The following PER2 variants were observed in gnomAD, a reference collection of about 807,000 sequenced individuals.
PER2 encodes the protein period circadian regulator 2.
Under a neutral mutation model 121.0 loss-of-function variants are expected in PER2, and 66 were observed. That is an observed-to-expected ratio of 0.55 (90% CI 0.45 to 0.67). The LOEUF is 0.67. Among genes scored for constraint, PER2 ranks in the 30% least tolerant of loss-of-function variants. The probability of loss-of-function intolerance (pLI) is 0.00; values close to 1 mark genes in which losing one functional copy is unlikely to be tolerated. For missense variants in PER2, 1,521 were observed against 1,635.0 expected, an observed-to-expected ratio of 0.93 and a Z score of 1.20; for synonymous variants, 684 against 659.9, an observed-to-expected ratio of 1.04 and a Z score of -0.56.
chr2:238,247,577 G>A (rs750857871), intron 22 of PER2: 2 of 152,380 alleles, frequency 1.3e-5, no homozygotes, highest in Non-Finnish European at 1.5e-5. Flanking sequence ...TGCAGCAGCA[G>A]ATTACTAATG....
At chr2:238,251,069 C>T (rs574285992) in intron 20 of PER2, among the ~76,000 whole-genome samples, 21 of 152,378 alleles carry the variant, frequency 1.4e-4, no homozygotes, top group Admixed American at 2.6e-4. Context: ...ACTGCAGTTT[C>T]CCACAAGGGG....
In PER2 at chr2:238,261,808, G is replaced by A; in HGVS notation, c.1337C>T (p.Ala446Val). 1 of 1,573,348 alleles carries A rather than the reference G, an allele frequency of 6.4e-7. No homozygotes were observed. Among genetic ancestry groups the A allele is most frequent in the Non-Finnish European group, 8.6e-7 (1 of 1,158,310 alleles). The change falls in exon 12 of 23, where the codon GCC becomes GTC. Residue 446 changes from alanine (A) to valine (V), a missense_variant. Transcript: ENST00000254657. ...GGCCTTCTCCTCTGTGCAGGGGTGG[G>A]CTGCAAACACGTCCTCATTCAAAGG... ...VGPLNEDVFA[A>V]HPCTEEKALH...
intron 1 of PER2, among the ~76,000 whole-genome samples, chr2:238,278,787 CG>C (rs755825051): frequency 9.9e-5 from 15 of 151,990 alleles, no homozygotes; most frequent in Non-Finnish European, 2.2e-4. Context: ...CCCAGCAGCT[CG>C]GGGATCCCAG....
chr2:238,273,946 G>A (rs569328358), intron 4 of PER2, among the ~76,000 whole-genome samples: 5 of 152,252 alleles, frequency 3.3e-5, no homozygotes, highest in African/African-American at 9.6e-5. Flanking sequence ...GATTACAGGC[G>A]TGAGCCACCG....
chr2:238,248,458 G>A (rs1294477868), intron 22 of PER2, among the ~76,000 whole-genome samples: 1 of 152,160 alleles, frequency 6.6e-6, no homozygotes, highest in African/African-American at 2.4e-5. Context: ...CAGGGACACT[G>A]AGGGTTTGTG....
chr2:238,245,754 A>G lies in PER2; in HGVS notation c.*621T>C, dbSNP rs1441635848. 2.5e-6 allele frequency: 1 copy of G among 398,226 alleles called. No homozygotes were observed. The highest frequency in any genetic ancestry group is 4.4e-5 in the Admixed American group (1 of 22,710). The allele number at this position is 398,226 out of a possible 1,614,324, so 24.7% of individuals were successfully genotyped here. On this transcript the variant is annotated 3_prime_UTR_variant, in exon 23 of 23. Coordinates refer to ENST00000254657, the MANE Select transcript of PER2 (RefSeq NM_022817.3). The stretch of plus-strand genomic sequence containing the variant: ...CAAATGTTTCAACTTTGTTCACTAC[A>G]AACAAAACCTATGTCAGACTGAAAT...
upstream of PER2, among the ~76,000 whole-genome samples, chr2:238,292,407 C>G (rs1487019423): frequency 6.6e-6 from 1 of 152,204 alleles, no homozygotes; most frequent in Non-Finnish European, 1.5e-5. Flanking sequence ...GGGAAAGGAG[C>G]TTGCTTGGAG....
intron 8 of PER2, 126 bp downstream of exon 8, chr2:238,267,930 G>T: frequency 5.8e-6 from 6 of 1,035,814 alleles, no homozygotes; most frequent in Non-Finnish European, 8.8e-6. Flanking sequence ...CCAAGGTGAG[G>T]TGGAGAGGCC....
At chr2:238,292,099 A>C (rs1223716154), upstream of PER2, among the ~76,000 whole-genome samples, 1 of 152,258 alleles carries the variant, frequency 6.6e-6, no homozygotes, top group Admixed American at 6.5e-5. Context: ...TCGAGGTTGC[A>C]GTGAACTGTG....
rs1225521281 is a variant in PER2, at chr2:238,252,683, C to A, written c.3111+229G>T. On this transcript the variant is annotated intron_variant, in intron 19 of 22. Coordinates refer to ENST00000254657, the MANE Select transcript of PER2 (RefSeq NM_022817.3). This position sits in a 1 kb window ranked among gnomAD's most constrained non-coding sequence, Gnocchi z 4.2. ...CTTTCTGGAGTCTGTATCACAATCT[C>A]TCCTCCTTCATTCAGATTCCACGAC... 1.3e-5 allele frequency among the ~76,000 whole-genome samples: 2 copies of A among 152,244 alleles called. No homozygotes were observed. Among genetic ancestry groups the A allele is most frequent in the Non-Finnish European group, 2.9e-5 (2 of 68,046 alleles).
At chr2:238,285,400 G>A (rs1696753388) in intron 1 of PER2, among the ~76,000 whole-genome samples, 2 of 152,122 alleles carry the variant, frequency 1.3e-5, no homozygotes, top group African/African-American at 4.8e-5. Flanking sequence ...GGGGTCGCAT[G>A]GGTTCGTTAC....
At chr2:238,270,497 C>G (rs989291523) in intron 6 of PER2, among the ~76,000 whole-genome samples, 2 of 150,564 alleles carry the variant, frequency 1.3e-5, no homozygotes, top group East Asian at 1.9e-4. Context: ...AAAGTAGAAG[C>G]AATGGCTAGT....
chr2:238,244,144 T>C lies in PER2; in HGVS notation c.*2231A>G, dbSNP rs891741702. 3 of 152,566 alleles carry C rather than the reference T, an allele frequency of 2.0e-5. No individual in the cohort carries two copies. The highest frequency in any genetic ancestry group is 7.2e-5 in the African/African-American group (3 of 41,460). 9.5% of individuals were successfully genotyped at this position (152,566 alleles called of 1,614,324 possible). A position where few individuals can be genotyped will look rare whatever the true frequency, so the allele number is the denominator to read the frequency against. ...ATCTATTGCACTGGGTAAAGAAAGT[T>C]TGGTTTGCACACAAACAAACCACTT... is the stretch of plus-strand genomic sequence containing the variant. On this transcript the variant is annotated 3_prime_UTR_variant, in exon 23 of 23. Coordinates refer to ENST00000254657, the MANE Select transcript of PER2 (RefSeq NM_022817.3).
intron 1 of PER2, among the ~76,000 whole-genome samples, chr2:238,287,204 G>C (rs1574864457): frequency 6.6e-6 from 1 of 152,346 alleles, no homozygotes; most frequent in Middle Eastern, 3.4e-3. Context: ...CAAGGCGACA[G>C]TGACAGATAA....
chr2:238,244,776 T>G lies in PER2; in HGVS notation c.*1599A>C, dbSNP rs1695400027. 1 of 152,154 alleles carries G rather than the reference T, an allele frequency of 6.6e-6. No homozygotes were observed. The highest frequency in any genetic ancestry group is 1.5e-5 in the Non-Finnish European group (1 of 68,026). 9.4% of individuals were successfully genotyped at this position (152,154 alleles called of 1,614,324 possible). Reference sequence around the variant, plus strand: ...AAACCCTGGTCCCAGTTGGGCGTGGTGGCTCACGCCTGTAATCCCAGCACT... The same window carrying G: ...AAACCCTGGTCCCAGTTGGGCGTGGGGGCTCACGCCTGTAATCCCAGCACT... On this transcript the variant is annotated 3_prime_UTR_variant, in exon 23 of 23. Transcript: ENST00000254657.
At chr2:238,292,740 CTT>C (rs1189740145), upstream of PER2, among the ~76,000 whole-genome samples, 19 of 137,704 alleles carry the variant, frequency 1.4e-4, no homozygotes, top group Middle Eastern at 3.7e-3. Context: ...TTTTCTTTCT[CTT>C]TTTTTTTTTT....
At chr2:238,271,106 T>C (rs1284477037) in intron 6 of PER2, among the ~76,000 whole-genome samples, 1 of 152,252 alleles carries the variant, frequency 6.6e-6, no homozygotes, top group African/African-American at 2.4e-5. Context: ...CTGAAATGTA[T>C]GGAAAGACTA....
At chr2:238,256,000 TC>T in intron 17 of PER2, 89 bp from the exon 18 acceptor site, 1 of 1,501,362 alleles carries the variant, frequency 6.7e-7, no homozygotes. Flanking sequence ...GACAAATCAT[TC>T]ACGTATAAAG....
At chr2:238,280,563 A>G (rs146058411) in intron 1 of PER2, among the ~76,000 whole-genome samples, 1 of 152,240 alleles carries the variant, frequency 6.6e-6, no homozygotes, top group African/African-American at 2.4e-5. Context: ...ACTGAGATGA[A>G]AATGCCACAT....
Sources: gnomAD v4.1 joint callset for allele counts (sites outside exome capture counted in the v4.1 genomes callset) on GRCh38, gnomAD v4.1.1 for gene constraint, Gnocchi (gnomAD v3.1) non-coding constraint, MANE v1.5 for transcripts, NCBI Gene and HGNC (gene_info 2026-07-23, HGNC 2026-07-21) for gene names.